TMTC3: variants seen among roughly 807,000 people sequenced by gnomAD.
TMTC3 encodes the protein transmembrane O-mannosyltransferase targeting cadherins 3.
Under a neutral mutation model 92.2 loss-of-function variants are expected in TMTC3, and 52 were observed. The ratio of observed to expected loss-of-function variants is 0.56; its 90% CI spans 0.45 to 0.71. The LOEUF is 0.71. Ranked by LOEUF, TMTC3 falls within the 30% of genes least tolerant of loss-of-function variation. The probability of loss-of-function intolerance (pLI) is 0.00; values close to 1 mark genes in which losing one functional copy is unlikely to be tolerated. For synonymous variants in TMTC3, 339 were observed against 363.3 expected, an observed-to-expected ratio of 0.93 and a Z score of 0.76; for missense variants, 896 against 1,057.1, an observed-to-expected ratio of 0.85 and a Z score of 2.11.
At chr12:88,162,170 C>T (rs1369553674) in intron 6 of TMTC3, among the ~76,000 whole-genome samples, 1 of 152,058 alleles carries the variant, frequency 6.6e-6, no homozygotes, top group African/African-American at 2.4e-5. Flanking sequence ...TACTGTCTTC[C>T]GGCTTTTATT....
intron 10 of TMTC3, among the ~76,000 whole-genome samples, chr12:88,186,100 T>G (rs536590683): frequency 1.0e-3 from 159 of 152,242 alleles, no homozygotes; most frequent in Non-Finnish European, 1.9e-3. Context: ...AATACTTCAC[T>G]GTTGGGCAGC....
At chr12:88,174,552 A>G in intron 8 of TMTC3, 55 bp from the exon 9 acceptor site, 2 of 1,569,480 alleles carry the variant, frequency 1.3e-6, no homozygotes, top group Non-Finnish European at 1.7e-6. Flanking sequence ...AAAAGGTAAA[A>G]TGCTTTTGGT....
At chr12:88,176,433 T>C in intron 10 of TMTC3, 114 bp downstream of exon 10, 1 of 679,958 alleles carries the variant, frequency 1.5e-6, no homozygotes, top group Admixed American at 2.9e-5. Context: ...ACTTGAATAC[T>C]AGAGTTCAGT....
At chr12:88,167,371 T>C (rs1282972260) in intron 7 of TMTC3, among the ~76,000 whole-genome samples, 1 of 152,110 alleles carries the variant, frequency 6.6e-6, no homozygotes, top group Non-Finnish European at 1.5e-5. Flanking sequence ...GCCACTGCAC[T>C]CTAGTCTGGG....
At chr12:88,167,305 G>T (rs1352817769) in intron 7 of TMTC3, among the ~76,000 whole-genome samples, 1 of 152,032 alleles carries the variant, frequency 6.6e-6, no homozygotes, top group East Asian at 1.9e-4. Flanking sequence ...TCAGGAGGCG[G>T]AGGCACAAGA....
chr12:88,149,507 A>G (rs2040915418), intron 2 of TMTC3, among the ~76,000 whole-genome samples: 1 of 152,210 alleles, frequency 6.6e-6, no homozygotes, highest in Admixed American at 6.5e-5. Flanking sequence ...TAATAAACCT[A>G]AATTTCCCAG....
rs551907406 is a variant in TMTC3 at position 88,176,275 on chromosome 12, A to C, written c.1388A>C (p.Glu463Ala). Reference sequence around the variant, plus strand: ...GCTCTGGAAAATGAAAAGAACTTTGAGAGAGCTTTGAAATACTTCTTACAG... The same window carrying C: ...GCTCTGGAAAATGAAAAGAACTTTGCGAGAGCTTTGAAATACTTCTTACAG... ...GHALENEKNF[E>A]RALKYFLQAT... Residue 463 changes from glutamate to alanine, a missense_variant, in exon 10 of 14, where the codon GAG becomes GCG. Glu to Ala is a moderately radical substitution (Grantham distance 107). Coordinates refer to ENST00000266712, the MANE Select transcript of TMTC3 (RefSeq NM_181783.4). 6.8e-6 allele frequency: 11 copies of C among 1,612,486 alleles called. No individual in the cohort carries two copies. The African/African-American group carries it at 1.3e-4, about 20-fold the overall frequency.
intron 10 of TMTC3, among the ~76,000 whole-genome samples, chr12:88,177,525 G>A (rs2041273013): frequency 6.6e-6 from 1 of 152,094 alleles, no homozygotes; most frequent in South Asian, 2.1e-4. Context: ...GAGAGGATGA[G>A]GGATGGAGGA....
intron 2 of TMTC3, among the ~76,000 whole-genome samples, chr12:88,152,528 C>T (rs1430080463): frequency 6.6e-6 from 1 of 152,040 alleles, no homozygotes; most frequent in Non-Finnish European, 1.5e-5. Context: ...CAAAAAATAA[C>T]TTTATTAATA....
Position 88,196,803 on chromosome 12 carries a change from T to C in TMTC3, c.*1154T>C, listed in dbSNP as rs962443244. On this transcript the variant is annotated 3_prime_UTR_variant, in exon 14 of 14. Coordinates refer to ENST00000266712, the MANE Select transcript of TMTC3 (RefSeq NM_181783.4). Reference sequence around the variant, plus strand: ...CATTTTCCTATATATGCATATATTATGGATTAACCAGAATTGTATCATTTT... The same window carrying C: ...CATTTTCCTATATATGCATATATTACGGATTAACCAGAATTGTATCATTTT... The C allele has an allele frequency of 6.6e-6, 1 of 151,908 alleles. No individual in the cohort carries two copies. Among genetic ancestry groups the C allele is most frequent in the Non-Finnish European group, 1.5e-5 (1 of 67,810 alleles). 9.4% of individuals were successfully genotyped at this position (151,908 alleles called of 1,614,324 possible). A position where few individuals can be genotyped will look rare whatever the true frequency, so the allele number is the denominator to read the frequency against.
chr12:88,176,750 T>A (rs1277193088), intron 10 of TMTC3, among the ~76,000 whole-genome samples: 1 of 152,158 alleles, frequency 6.6e-6, no homozygotes, highest in Non-Finnish European at 1.5e-5. Flanking sequence ...ACCACTGTAC[T>A]CCAGCCTGGG....
At chr12:88,188,567 C>T (rs1236942472) in intron 10 of TMTC3, among the ~76,000 whole-genome samples, 1 of 152,026 alleles carries the variant, frequency 6.6e-6, no homozygotes, top group Non-Finnish European at 1.5e-5. Context: ...TTTTTCATGC[C>T]ATGTATGTAT....
intron 8 of TMTC3, among the ~76,000 whole-genome samples, chr12:88,173,469 C>T (rs1396776382): frequency 6.6e-6 from 1 of 152,028 alleles, no homozygotes; most frequent in Non-Finnish European, 1.5e-5. Context: ...AACAAAGTGC[C>T]TCCTAGTAGC....
intron 10 of TMTC3, among the ~76,000 whole-genome samples, chr12:88,186,489 CTG>C (rs1425240568): frequency 6.6e-6 from 1 of 152,118 alleles, no homozygotes; most frequent in African/African-American, 2.4e-5. Context: ...TATTGACAAA[CTG>C]AGACTACATT....
chr12:88,159,992 G>A (rs1032258853), intron 4 of TMTC3, 122 bp from the exon 5 acceptor site: 27 of 556,768 alleles, frequency 4.8e-5, no homozygotes, highest in Non-Finnish European at 7.4e-5. Flanking sequence ...TTTAAAGTAT[G>A]TACTACTAAT....
At chr12:88,147,681 A>G (rs191221657) in intron 1 of TMTC3, among the ~76,000 whole-genome samples, 22 of 152,268 alleles carry the variant, frequency 1.4e-4, no homozygotes, top group East Asian at 1.4e-3. Context: ...TTAGAAATCA[A>G]TATGCCTCAG....
chr12:88,172,115 T>C (rs1487642561), intron 7 of TMTC3, among the ~76,000 whole-genome samples: 3 of 152,154 alleles, frequency 2.0e-5, no homozygotes, highest in African/African-American at 4.8e-5. Context: ...TTTAACTGGA[T>C]GAACCTTTAT....
intron 10 of TMTC3, among the ~76,000 whole-genome samples, chr12:88,187,108 C>G (rs1176353094): frequency 1.3e-5 from 2 of 149,856 alleles, no homozygotes; most frequent in Non-Finnish European, 3.0e-5. Flanking sequence ...TTCTATGTAC[C>G]TTAGCTTTTC....
At chr12:88,173,838 T>G (rs1792486201) in intron 8 of TMTC3, among the ~76,000 whole-genome samples, 1 of 152,112 alleles carries the variant, frequency 6.6e-6, no homozygotes, top group African/African-American at 2.4e-5. Context: ...ATTGAAGCCA[T>G]ATAGGTTATC....
Sources: allele counts gnomAD v4.1 joint callset (sites outside exome capture counted in the v4.1 genomes callset), GRCh38; gene constraint gnomAD v4.1.1; transcripts MANE v1.5; gene names NCBI Gene and HGNC (gene_info 2026-07-23, HGNC 2026-07-21).